The following ST6GALNAC3 variants were observed in gnomAD, a reference collection of about 807,000 sequenced individuals.
ST6GALNAC3 encodes the protein alpha-N-acetylgalactosaminide alpha-2,6-sialyltransferase 3.
A neutral mutation model predicts 32.7 loss-of-function variants in ST6GALNAC3; 25 were observed. That is an observed-to-expected ratio of 0.76 (90% confidence interval 0.56 to 1.07). The LOEUF (loss-of-function observed/expected upper bound fraction) is 1.07. ST6GALNAC3 is among the 50% of genes least tolerant of loss of function. The probability of loss-of-function intolerance (pLI) is 0.00; values close to 1 mark genes in which losing one functional copy is unlikely to be tolerated. For missense variants in ST6GALNAC3, 355 were observed against 382.4 expected, an observed-to-expected ratio of 0.93 and a Z score of 0.60; for synonymous variants, 129 against 133.1, an observed-to-expected ratio of 0.97 and a Z score of 0.21.
At chr1:76,143,397 G>GTC (rs1553159056) in intron 1 of ST6GALNAC3, among the ~76,000 whole-genome samples, 1 of 148,148 alleles carries the variant, frequency 6.8e-6, no homozygotes, top group South Asian at 2.1e-4. Context: ...CAAGTCGTGT[G>GTC]TGTGTGTGTG....
chr1:76,323,375 C>T (rs11162122), intron 2 of ST6GALNAC3, among the ~76,000 whole-genome samples: 26,351 of 152,144 alleles, frequency 0.17, 3,112 homozygotes, highest in African/African-American at 0.34. Flanking sequence ...TTAGCTCTTA[C>T]AGAGTACATA....
chr1:76,365,884 C>CT (rs1364112121), intron 2 of ST6GALNAC3, among the ~76,000 whole-genome samples: 37 of 152,108 alleles, frequency 2.4e-4, no homozygotes, highest in Admixed American at 6.6e-5. Context: ...TAAACACAAT[C>CT]TTTCACTTTC....
At chr1:76,455,056 T>A (rs1657677463) in intron 3 of ST6GALNAC3, among the ~76,000 whole-genome samples, 1 of 152,144 alleles carries the variant, frequency 6.6e-6, no homozygotes, top group Admixed American at 6.5e-5. Flanking sequence ...GGAGATTTAC[T>A]TAAATATATC....
chr1:76,431,065 A>T (rs1347636383), intron 3 of ST6GALNAC3, among the ~76,000 whole-genome samples: 1 of 152,138 alleles, frequency 6.6e-6, no homozygotes, highest in Non-Finnish European at 1.5e-5. Flanking sequence ...TGTGATGCAG[A>T]GATCAGCATC....
chr1:76,083,354 C>T (rs951350272), intron 1 of ST6GALNAC3, among the ~76,000 whole-genome samples: 6 of 152,228 alleles, frequency 3.9e-5, no homozygotes, highest in South Asian at 4.1e-4. Context: ...CGCGGCTGGC[C>T]GCGACAATGG....
At chr1:76,502,773 C>G (rs1179879427) in intron 3 of ST6GALNAC3, among the ~76,000 whole-genome samples, 1 of 152,002 alleles carries the variant, frequency 6.6e-6, no homozygotes, top group Non-Finnish European at 1.5e-5. Context: ...CAGAAGAAAC[C>G]GGGTAGTAGA....
At chr1:76,468,788 T>A (rs1203627727) in intron 3 of ST6GALNAC3, among the ~76,000 whole-genome samples, 1 of 152,064 alleles carries the variant, frequency 6.6e-6, no homozygotes, top group Non-Finnish European at 1.5e-5. Context: ...TCAATATAAT[T>A]TGGCAATAGC....
chr1:76,153,180 A>T (rs1411756462), intron 1 of ST6GALNAC3, among the ~76,000 whole-genome samples: 1 of 152,168 alleles, frequency 6.6e-6, no homozygotes, highest in Non-Finnish European at 1.5e-5. Flanking sequence ...GTGGAAAATG[A>T]CGTAACATCC....
chr1:76,279,673 G>A (rs942991906), intron 1 of ST6GALNAC3, among the ~76,000 whole-genome samples: 5 of 152,204 alleles, frequency 3.3e-5, no homozygotes, highest in African/African-American at 1.2e-4. Flanking sequence ...GGAGGCGGAA[G>A]TGGCGTCCAT....
At chr1:76,122,068 C>T (rs956575296) in intron 1 of ST6GALNAC3, among the ~76,000 whole-genome samples, 7 of 152,162 alleles carry the variant, frequency 4.6e-5, no homozygotes, top group African/African-American at 1.4e-4. Flanking sequence ...TTTATTTTCC[C>T]ATCCAAGCAC....
At chr1:76,627,687 T>G in intron 4 of ST6GALNAC3, 128 bp downstream of exon 4, 1 of 795,814 alleles carries the variant, frequency 1.3e-6, no homozygotes, top group Non-Finnish European at 2.0e-6. Flanking sequence ...TGTTCTTTGC[T>G]GACATGACAT....
At chr1:76,343,095 A>G (rs1325623396) in intron 2 of ST6GALNAC3, among the ~76,000 whole-genome samples, 3 of 151,964 alleles carry the variant, frequency 2.0e-5, no homozygotes, top group African/African-American at 4.8e-5. Flanking sequence ...CCGTTTGTCT[A>G]TTTTTAATTT....
chr1:76,110,974 AGAG>A (rs938685742), intron 1 of ST6GALNAC3, among the ~76,000 whole-genome samples: 11 of 152,346 alleles, frequency 7.2e-5, no homozygotes, highest in South Asian at 6.2e-4. Context: ...AAAAGAAAAT[AGAG>A]GAGAAGAGAC....
At chr1:76,120,897 C>T (rs1261904287) in intron 1 of ST6GALNAC3, among the ~76,000 whole-genome samples, 1 of 152,148 alleles carries the variant, frequency 6.6e-6, no homozygotes. Context: ...AGCTGGGCTG[C>T]AATGCTTCTG....
intron 1 of ST6GALNAC3, among the ~76,000 whole-genome samples, chr1:76,085,309 A>T (rs1409605733): frequency 6.6e-6 from 1 of 152,182 alleles, no homozygotes; most frequent in Non-Finnish European, 1.5e-5. Context: ...TTACAGGTAA[A>T]GTTTGCCAAC....
chr1:76,589,189 T>C (rs971322068), intron 3 of ST6GALNAC3, among the ~76,000 whole-genome samples: 3 of 152,198 alleles, frequency 2.0e-5, no homozygotes, highest in African/African-American at 7.2e-5. Flanking sequence ...AAACACTGCT[T>C]TGGTTTCTGA....
chr1:76,630,843 G>A lies in ST6GALNAC3; in HGVS notation c.*2037G>A. The A allele has an allele frequency of 1.0e-6, 1 of 985,476 alleles. No individual in the cohort carries two copies. The highest frequency in any genetic ancestry group is 1.2e-6 in the Non-Finnish European group (1 of 829,768). 61.0% of individuals were successfully genotyped at this position (985,476 alleles called of 1,614,324 possible). A position where few individuals can be genotyped will look rare whatever the true frequency, so the allele number is the denominator to read the frequency against. ...TTTTGAGCTAATGATAGATAGAAAT[G>A]CCCACTCAAAGAAAAATAAACAGAG... On this transcript the variant is annotated 3_prime_UTR_variant, in exon 5 of 5. Coordinates refer to ENST00000328299, the MANE Select transcript of ST6GALNAC3 (RefSeq NM_152996.4).
At chr1:76,627,618 C>A in intron 4 of ST6GALNAC3, 59 bp downstream of exon 4, 2 of 1,217,382 alleles carry the variant, frequency 1.6e-6, no homozygotes, top group Non-Finnish European at 2.4e-6. Context: ...GTCAAAATAT[C>A]ACAATTCATT....
At chr1:76,259,825 G>A (rs2100724446) in intron 1 of ST6GALNAC3, among the ~76,000 whole-genome samples, 1 of 152,120 alleles carries the variant, frequency 6.6e-6, no homozygotes, top group South Asian at 2.1e-4. Context: ...AAAGCAGCTG[G>A]TGTTGTCCAA....
Sources: gnomAD v4.1 joint callset for allele counts (sites outside exome capture counted in the v4.1 genomes callset) on GRCh38, gnomAD v4.1.1 for gene constraint, MANE v1.5 for transcripts, NCBI Gene and HGNC (gene_info 2026-07-23, HGNC 2026-07-21) for gene names.